Variants in UBE3C observed in about 807,000 individuals in gnomAD.
UBE3C encodes the protein ubiquitin-protein ligase E3C.
In UBE3C, 42 loss-of-function variants were observed where a neutral mutation model predicts 129.4. The ratio of observed to expected loss-of-function variants is 0.32; its 90% CI spans 0.25 to 0.42. UBE3C has a LOEUF of 0.42. Among genes scored for constraint, UBE3C ranks in the 10% least tolerant of loss-of-function variants. The pLI, the probability that UBE3C is intolerant of heterozygous loss-of-function variation, is 1.00. For synonymous variants in UBE3C, 510 were observed against 492.4 expected (o/e 1.04, Z -0.47); for missense variants, 1,049 against 1,319.1 (o/e 0.80, Z 3.17).
chr7:157,221,065 C>A, intron 15 of UBE3C: 2 of 296,624 alleles, frequency 6.7e-6, no homozygotes, highest in East Asian at 6.3e-5. Context: ...TTGGTCAGCA[C>A]GCTGCATTTG....
At chr7:157,144,660 A>G (rs574165078) in intron 1 of UBE3C, among the ~76,000 whole-genome samples, 3 of 151,136 alleles carry the variant, frequency 2.0e-5, no homozygotes, top group Non-Finnish European at 4.4e-5. Flanking sequence ...TAGAATTAAG[A>G]TCACTTTAAT....
At chr7:157,199,838 C>G (rs1032706650) in intron 10 of UBE3C, among the ~76,000 whole-genome samples, 8 of 152,120 alleles carry the variant, frequency 5.3e-5, no homozygotes, top group Non-Finnish European at 1.2e-4. Flanking sequence ...ACTTAGTTAC[C>G]TGTCTTAATT....
chr7:157,267,749 G>A lies in UBE3C; in HGVS notation c.3246G>A (p.Leu1082=), dbSNP rs1448237985. ...TTGAATGTGCCGCTGGCTTTGAGCT[G>A]AGCTGAAGCTGATGCTGGGGTCAGA... ...YAIECAAGFE[L]S Residue 1082 remains leucine, a synonymous_variant, in exon 23 of 23, where the codon CTG becomes CTA. Coordinates refer to ENST00000348165, the MANE Select transcript of UBE3C (RefSeq NM_014671.3). 1 of 1,601,612 alleles carries A rather than the reference G, an allele frequency of 6.2e-7. No homozygotes were observed. Among genetic ancestry groups the A allele is most frequent in the Non-Finnish European group, 8.5e-7 (1 of 1,174,002 alleles).
intron 1 of UBE3C, among the ~76,000 whole-genome samples, chr7:157,146,409 AC>A (rs1807606565): frequency 9.1e-6 from 1 of 110,294 alleles, no homozygotes; most frequent in African/African-American, 6.1e-5. Context: ...TCTAGTACAG[AC>A]GGGGGTTTCA....
At chr7:157,265,609 A>G (rs768979987) in intron 22 of UBE3C, among the ~76,000 whole-genome samples, 19 of 152,242 alleles carry the variant, frequency 1.2e-4, no homozygotes, top group South Asian at 2.1e-4. Flanking sequence ...ATGGAACACC[A>G]TATAGCCTCA....
Position 157,267,845 on chromosome 7 carries a change from C to A in UBE3C, c.*90C>A. 5.2e-6 allele frequency: 6 copies of A among 1,148,442 alleles called. No individual in the cohort carries two copies. The South Asian group carries it at 8.8e-5, about 17-fold the overall frequency. 71.1% of individuals were successfully genotyped at this position (1,148,442 alleles called of 1,614,324 possible). ...GACCCACGAGGATACTCACACTGCACGCCTGAGGCTCTCCTAAGCTCCTTC... is the reference window on the plus strand; with the variant it reads ...GACCCACGAGGATACTCACACTGCAAGCCTGAGGCTCTCCTAAGCTCCTTC... On this transcript the variant is annotated 3_prime_UTR_variant, in exon 23 of 23. Transcript: ENST00000348165.
chr7:157,252,494 T>A (rs933516884), intron 19 of UBE3C, among the ~76,000 whole-genome samples: 2 of 152,254 alleles, frequency 1.3e-5, no homozygotes, highest in Non-Finnish European at 2.9e-5. Context: ...AGAATAATTG[T>A]ATCATCCTTT....
intron 10 of UBE3C, among the ~76,000 whole-genome samples, chr7:157,200,436 T>C (rs1809249012): frequency 1.3e-5 from 2 of 152,200 alleles, no homozygotes; most frequent in South Asian, 2.1e-4. Context: ...CAATCAAATA[T>C]GAGATTTTTT....
intron 1 of UBE3C, among the ~76,000 whole-genome samples, chr7:157,153,843 A>C (rs77992510): frequency 2.0e-4 from 26 of 128,154 alleles, no homozygotes; most frequent in African/African-American, 4.2e-4. Flanking sequence ...AACAAACAAA[A>C]AAACGGGCAT....
intron 17 of UBE3C, among the ~76,000 whole-genome samples, chr7:157,229,738 T>C (rs1019023687): frequency 1.3e-5 from 2 of 152,028 alleles, no homozygotes; most frequent in African/African-American, 4.8e-5. Context: ...AGTGATCCTC[T>C]TGAGTAGCTG....
rs574885203 is a variant in UBE3C at position 157,255,673 on chromosome 7, C to G, written c.2951-1241C>G. Among the ~76,000 whole-genome samples the G allele has an allele frequency of 1.7e-4, 26 of 152,260 alleles. No homozygotes were observed. The East Asian group carries it at 4.8e-3, about 28-fold the overall frequency. On this transcript the variant is annotated intron_variant, in intron 21 of 22. Coordinates refer to ENST00000348165, the MANE Select transcript of UBE3C (RefSeq NM_014671.3). The stretch of plus-strand genomic sequence containing the variant: ...GTAAATAGGTTTAAAATATTATATT[C>G]ATTTTGGTGCCAATTAATGCACTTA...
intron 16 of UBE3C, 128 bp downstream of exon 16, chr7:157,223,479 A>G: frequency 1.4e-6 from 1 of 704,624 alleles, no homozygotes; most frequent in Non-Finnish European, 2.3e-6. Context: ...TTTTCTCATT[A>G]GGCTGAAATA....
intron 1 of UBE3C, among the ~76,000 whole-genome samples, chr7:157,156,714 A>T (rs769067256): frequency 3.7e-3 from 234 of 64,038 alleles, no homozygotes; most frequent in African/African-American, 0.033. Context: ...CCTTCTTTTT[A>T]AAAAAAAAAA....
intron 22 of UBE3C, among the ~76,000 whole-genome samples, chr7:157,266,217 G>A (rs1359986547): frequency 6.6e-6 from 1 of 152,190 alleles, no homozygotes; most frequent in Admixed American, 6.5e-5. Context: ...GGGAGGCTGA[G>A]GCAGGAGAAT....
At chr7:157,162,808 T>A (rs1808108121) in intron 1 of UBE3C, among the ~76,000 whole-genome samples, 1 of 151,974 alleles carries the variant, frequency 6.6e-6, no homozygotes. Flanking sequence ...ATGAGCCACC[T>A]TGCCCAGCCT....
chr7:157,181,748 A>G, intron 7 of UBE3C, 77 bp downstream of exon 7: 3 of 1,517,464 alleles, frequency 2.0e-6, no homozygotes, highest in South Asian at 2.5e-5. Flanking sequence ...ATAGGATGTG[A>G]TTTTAAATAT....
At chr7:157,227,204 G>A (rs142553418) in intron 17 of UBE3C, among the ~76,000 whole-genome samples, 6 of 152,206 alleles carry the variant, frequency 3.9e-5, no homozygotes, top group African/African-American at 1.4e-4. Context: ...TTAGAGAAGA[G>A]TGAGATGTTT....
intron 18 of UBE3C, among the ~76,000 whole-genome samples, chr7:157,235,678 G>A (rs1182970004): frequency 2.0e-5 from 3 of 152,166 alleles, no homozygotes; most frequent in African/African-American, 4.8e-5. Context: ...ATCTTATTAA[G>A]GCTGTTTAAA....
At chr7:157,192,626 CAAG>C in intron 10 of UBE3C, 1 of 765,448 alleles carries the variant, frequency 1.3e-6, no homozygotes, top group Non-Finnish European at 2.4e-6. Context: ...ACCCCACTCC[CAAG>C]AAGAATAAGC....
Sources: gnomAD v4.1 joint callset for allele counts (sites outside exome capture counted in the v4.1 genomes callset) on GRCh38, gnomAD v4.1.1 for gene constraint, MANE v1.5 for transcripts, NCBI Gene and HGNC (gene_info 2026-07-23, HGNC 2026-07-21) for gene names.